ZNF316: variants seen among roughly 807,000 people sequenced by gnomAD.
ZNF316 encodes zinc finger protein 316.
Under a neutral mutation model 75.6 loss-of-function variants are expected in ZNF316, and 23 were observed. The observed-to-expected ratio is 0.30, with a 90% confidence interval of 0.22 to 0.43. The LOEUF (loss-of-function observed/expected upper bound fraction) is 0.43. Among genes scored for constraint, ZNF316 ranks in the 20% least tolerant of loss-of-function variants. The pLI, the probability that ZNF316 is intolerant of heterozygous loss-of-function variation, is 1.00. For missense variants in ZNF316, 1,266 were observed against 1,409.4 expected (o/e 0.90, Z 1.63); for synonymous variants, 827 against 666.2 (o/e 1.24, Z -3.72).
At position 6,640,617 on chromosome 7, in the gene ZNF316, C is replaced by T. The variant is rs549495345; in HGVS notation, c.-166-1208C>T. On this transcript the variant is annotated intron_variant, in intron 3 of 8. Coordinates refer to ENST00000382252, the MANE Select transcript of ZNF316 (RefSeq NM_001278559.2). The surrounding 1 kb of genome is among the most constrained non-coding windows in gnomAD (Gnocchi z 5.1). Reference sequence around the variant, plus strand: ...ATTACGGTTCAGCGTGAGATCTGGGCGGGGACAAACATCCAGGCTCCATCA... The same window carrying T: ...ATTACGGTTCAGCGTGAGATCTGGGTGGGGACAAACATCCAGGCTCCATCA... Among the ~76,000 whole-genome samples the T allele has an allele frequency of 2.6e-5, 4 of 152,280 alleles. No individual in the cohort carries two copies. The highest frequency in any genetic ancestry group is 2.1e-4 in the South Asian group (1 of 4,830).
Position 6,654,293 on chromosome 7 carries a change from C to G in ZNF316, c.2697C>G (p.Arg899=). Residue 899 remains arginine (R), a synonymous_variant, in exon 9 of 9, where the codon CGC becomes CGG. Coordinates refer to ENST00000382252, the MANE Select transcript of ZNF316 (RefSeq NM_001278559.2). ...CPECGKRFSQ[R]SVLVTHQRTH... ...AGTGCGGCAAGCGCTTTTCGCAGCG[C>G]TCGGTGCTGGTCACGCACCAGCGCA... 4 of 1,224,390 alleles carry G rather than the reference C, an allele frequency of 3.3e-6. No individual in the cohort carries two copies. Among genetic ancestry groups the G allele is most frequent in the Non-Finnish European group, 3.1e-6 (3 of 982,720 alleles). The allele number at this position is 1,224,390 out of a possible 1,614,324, so 75.8% of individuals were successfully genotyped here.
rs1779566729 is a variant in ZNF316, at chr7:6,653,885, G to A, written c.2289G>A (p.Ala763=). ...GARFARGSHL[A]AHVRGHTGEK... is the part of the protein sequence containing the mutation. ...GGTTCGCCCGCGGCTCGCACTTGGCGGCGCACGTGCGCGGCCACACGGGCG... is the reference window on the plus strand; with the variant it reads ...GGTTCGCCCGCGGCTCGCACTTGGCAGCGCACGTGCGCGGCCACACGGGCG... The change falls in exon 9 of 9, where the codon GCG becomes GCA. Residue 763 remains alanine (A), a synonymous_variant. Coordinates refer to ENST00000382252, the MANE Select transcript of ZNF316 (RefSeq NM_001278559.2). 1 of 1,101,402 alleles carries A rather than the reference G, an allele frequency of 9.1e-7. No homozygotes were observed. The allele number at this position is 1,101,402 out of a possible 1,614,324, so 68.2% of individuals were successfully genotyped here.
rs904179051 is a variant in ZNF316 at position 6,657,987 on chromosome 7, G to T, written c.*3376G>T. Among the ~76,000 whole-genome samples the T allele has an allele frequency of 6.6e-6, 1 of 152,140 alleles. No individual in the cohort carries two copies. The highest frequency in any genetic ancestry group is 2.4e-5 in the African/African-American group (1 of 41,414). ...GTAGACACCCTTTATTGCCAAGGAG[G>T]AATTAAACCCTAGTGACTTGTGAAA... On this transcript the variant is annotated 3_prime_UTR_variant, in exon 9 of 9. Coordinates refer to ENST00000382252, the MANE Select transcript of ZNF316 (RefSeq NM_001278559.2).
At chr7:6,644,758 G>C (rs932751653) in intron 8 of ZNF316, among the ~76,000 whole-genome samples, 165 bp downstream of exon 8, 3 of 152,172 alleles carry the variant, frequency 2.0e-5, no homozygotes, top group Admixed American at 2.0e-4. Context: ...AAAGGTCCGA[G>C]GGCTGTAAGG....
At position 6,653,986 on chromosome 7, in the gene ZNF316, A is replaced by G. The variant is rs1467945077; in HGVS notation, c.2390A>G (p.His797Arg). ...RAHLTAHGRA[H>R]TGERPYACGE... ...CACTTGACGGCGCACGGGCGCGCGC[A>G]CACCGGGGAGCGGCCTTACGCGTGT... Residue 797 changes from histidine (H) to arginine (R), a missense_variant, in exon 9 of 9, where the codon CAC becomes CGC. By Grantham distance (29) the His-to-Arg change is conservative. Around this residue, in one of 3 missense-constraint regions of ZNF316, gnomAD observed 194 missense variants for 319.2 expected, o/e 0.61. Coordinates refer to ENST00000382252, the MANE Select transcript of ZNF316 (RefSeq NM_001278559.2). 1 of 1,178,904 alleles carries G rather than the reference A, an allele frequency of 8.5e-7. No individual in the cohort carries two copies. The highest frequency in any genetic ancestry group is 1.0e-6 in the Non-Finnish European group (1 of 954,684). 73.0% of individuals were successfully genotyped at this position (1,178,904 alleles called of 1,614,324 possible).
rs1281601218 is a variant in ZNF316, at chr7:6,654,746, C to T, written c.*135C>T. The stretch of plus-strand genomic sequence containing the variant: ...GCGGTGCCTTCCCTCAGCCCTCGCC[C>T]TGCGGCCCCGGGTCTCATGCCCGCC... On this transcript the variant is annotated 3_prime_UTR_variant, in exon 9 of 9. Transcript: ENST00000382252. 2 of 796,272 alleles carry T rather than the reference C, an allele frequency of 2.5e-6. No individual in the cohort carries two copies. Among genetic ancestry groups the T allele is most frequent in the Non-Finnish European group, 3.2e-6 (2 of 619,064 alleles). 49.3% of individuals were successfully genotyped at this position (796,272 alleles called of 1,614,324 possible).
Position 6,653,840 on chromosome 7 carries a change from G to T in ZNF316, c.2244G>T (p.Pro748=), listed in dbSNP as rs1217513815. Reference sequence around the variant, plus strand: ...CACACACCGGCGAGCGGCCCTTCCCGTGCCCCGAGTGCGGCGCGCGGTTCG... The same window carrying T: ...CACACACCGGCGAGCGGCCCTTCCCTTGCCCCGAGTGCGGCGCGCGGTTCG... ...RRTHTGERPF[P]CPECGARFAR... The change falls in exon 9 of 9, where the codon CCG becomes CCT. Residue 748 remains proline (P), a synonymous_variant. Transcript: ENST00000382252. 1 of 1,079,538 alleles carries T rather than the reference G, an allele frequency of 9.3e-7. No homozygotes were observed. Among genetic ancestry groups the T allele is most frequent in the Non-Finnish European group, 1.1e-6 (1 of 889,036 alleles). The allele number at this position is 1,079,538 out of a possible 1,614,324, so 66.9% of individuals were successfully genotyped here. A position where few individuals can be genotyped will look rare whatever the true frequency, so the allele number is the denominator to read the frequency against.
In ZNF316 at chr7:6,639,376, CAGGG is replaced by C. The variant is rs1779274813; in HGVS notation, c.-167+238_-167+241del. Among the ~76,000 whole-genome samples the C allele has an allele frequency of 6.6e-6, 1 of 152,114 alleles. No homozygotes were observed. Among genetic ancestry groups the C allele is most frequent in the Non-Finnish European group, 1.5e-5 (1 of 68,034 alleles). ...CTGCCGCCCAGGAGCTGGCTGTACT[CAGGG>C]AGAGAGATGATAAGACAGTCTCATA... On this transcript the variant is annotated intron_variant, in intron 3 of 8. Coordinates refer to ENST00000382252, the MANE Select transcript of ZNF316 (RefSeq NM_001278559.2). The surrounding 1 kb of genome is among the most constrained non-coding windows in gnomAD (Gnocchi z 4.2).
At chr7:6,638,213 G>T (rs1464370720) in intron 2 of ZNF316, among the ~76,000 whole-genome samples, 1 of 152,206 alleles carries the variant, frequency 6.6e-6, no homozygotes, top group East Asian at 1.9e-4. Flanking sequence ...CAGGTCTGGG[G>T]GCCGGGTGGG....
chr7:6,652,268 A>G (rs1583446434), intron 8 of ZNF316, 35 bp from the exon 9 acceptor site: 2 of 1,232,076 alleles, frequency 1.6e-6, no homozygotes, highest in Admixed American at 4.2e-5. Flanking sequence ...AAGTTCACTT[A>G]CCTCTCTCTT....
chr7:6,652,718 C>T lies in ZNF316; in HGVS notation c.1122C>T (p.Gly374=), dbSNP rs1422138016. ...ACCACGCGGCCGTCAAGCCCTTCGGCTGCGAGGAGTGCGGCAAGGGCTTCG... is the reference window on the plus strand; with the variant it reads ...ACCACGCGGCCGTCAAGCCCTTCGGTTGCGAGGAGTGCGGCAAGGGCTTCG... The part of the protein sequence containing the change: ...QRYHAAVKPF[G]CEECGKGFVY... Residue 374 remains glycine (G), a synonymous_variant, in exon 9 of 9, where the codon GGC becomes GGT. Coordinates refer to ENST00000382252, the MANE Select transcript of ZNF316 (RefSeq NM_001278559.2). The T allele has an allele frequency of 2.4e-6, 3 of 1,241,710 alleles. No individual in the cohort carries two copies. The highest frequency in any genetic ancestry group is 3.0e-6 in the Non-Finnish European group (3 of 992,472). 76.9% of individuals were successfully genotyped at this position (1,241,710 alleles called of 1,614,324 possible). A position where few individuals can be genotyped will look rare whatever the true frequency, so the allele number is the denominator to read the frequency against.
rs757544692 is a variant in ZNF316 at position 6,638,002 on chromosome 7, G to C, written c.-274G>C. 1 of 152,270 alleles carries C rather than the reference G, an allele frequency of 6.6e-6. No homozygotes were observed. Among genetic ancestry groups the C allele is most frequent in the Non-Finnish European group, 1.5e-5 (1 of 68,114 alleles). 9.4% of individuals were successfully genotyped at this position (152,270 alleles called of 1,614,324 possible). A position where few individuals can be genotyped will look rare whatever the true frequency, so the allele number is the denominator to read the frequency against. ...GTGGGCTGCTCGGCTGTCTTCTGCT[G>C]CCGGCAGGTAGGTAGGGACACCCAT... On this transcript the variant is annotated 5_prime_UTR_variant, in exon 2 of 9. Coordinates refer to ENST00000382252, the MANE Select transcript of ZNF316 (RefSeq NM_001278559.2).
Position 6,657,526 on chromosome 7 carries a change from G to A in ZNF316, c.*2915G>A, listed in dbSNP as rs1180958551. 6.6e-6 allele frequency among the ~76,000 whole-genome samples: 1 copy of A among 151,968 alleles called. No individual in the cohort carries two copies. Among genetic ancestry groups the A allele is most frequent in the African/African-American group, 2.4e-5 (1 of 41,370 alleles). The stretch of plus-strand genomic sequence containing the variant: ...AATGGAGCCCCTTGAGGATCTTACA[G>A]TCTATTCAGAAAAGTTAAATGAGGC... On this transcript the variant is annotated 3_prime_UTR_variant, in exon 9 of 9. Coordinates refer to ENST00000382252, the MANE Select transcript of ZNF316 (RefSeq NM_001278559.2).
At position 6,652,735 on chromosome 7, in the gene ZNF316, A is replaced by G; in HGVS notation, c.1139A>G (p.Lys380Arg). ...VKPFGCEECG[K>R]GFVYRSHLAI... The stretch of plus-strand genomic sequence containing the variant: ...CCCTTCGGCTGCGAGGAGTGCGGCA[A>G]GGGCTTCGTGTACCGCTCGCACTTG... Residue 380 changes from lysine to arginine, a missense_variant, in exon 9 of 9, where the codon AAG becomes AGG. Lys to Arg is a conservative substitution (Grantham distance 26). This residue lies in a region of ZNF316 where 961 missense variants were observed against 990.9 expected (regional missense o/e 0.97). Transcript: ENST00000382252. 8.0e-7 allele frequency: 1 copy of G among 1,248,024 alleles called. No individual in the cohort carries two copies. Among genetic ancestry groups the G allele is most frequent in the Non-Finnish European group, 1.0e-6 (1 of 995,598 alleles). 77.3% of individuals were successfully genotyped at this position (1,248,024 alleles called of 1,614,324 possible).
rs1217417026 is a variant in ZNF316, at chr7:6,657,284, G to A, written c.*2673G>A. Among the ~76,000 whole-genome samples the A allele has an allele frequency of 7.6e-6, 1 of 130,848 alleles. No homozygotes were observed. The highest frequency in any genetic ancestry group is 1.5e-5 in the Non-Finnish European group (1 of 65,592). The allele number at this position is 130,848 out of a possible 152,430, so 85.8% of individuals were successfully genotyped here. A position where few individuals can be genotyped will look rare whatever the true frequency, so the allele number is the denominator to read the frequency against. ...GCTGGGATTGCAGGTGTGAGTCACC[G>A]CGCCCGGCCAGAGCAACCTAATATT... On this transcript the variant is annotated 3_prime_UTR_variant, in exon 9 of 9. Transcript: ENST00000382252.
In ZNF316 at chr7:6,655,845, C is replaced by T. The variant is rs1779615891; in HGVS notation, c.*1234C>T. 2 of 152,292 alleles carry T rather than the reference C, an allele frequency of 1.3e-5. No individual in the cohort carries two copies. Among genetic ancestry groups the T allele is most frequent in the South Asian group, 2.1e-4 (1 of 4,834 alleles). The allele number at this position is 152,292 out of a possible 1,614,324, so 9.4% of individuals were successfully genotyped here. A position where few individuals can be genotyped will look rare whatever the true frequency, so the allele number is the denominator to read the frequency against. ...AACCAGGCACCCAACTATGCAAGGC[C>T]CCTGCCTGGTGGGCATCCTACCCTC... On this transcript the variant is annotated 3_prime_UTR_variant, in exon 9 of 9. Transcript: ENST00000382252.
At chr7:6,638,585 C>T (rs1227710413) in intron 2 of ZNF316, among the ~76,000 whole-genome samples, 2 of 152,316 alleles carry the variant, frequency 1.3e-5, no homozygotes, top group Non-Finnish European at 2.9e-5. Flanking sequence ...CTTGTCACCT[C>T]CCATTCTAAA....
In ZNF316 at chr7:6,657,794, A is replaced by T. The variant is rs982669216; in HGVS notation, c.*3183A>T. ...CAGTGAACTATGATTTTTCCATTGC[A>T]CTCCAGCCTGGGTGACAGAACAAGA... On this transcript the variant is annotated 3_prime_UTR_variant, in exon 9 of 9. Transcript: ENST00000382252. 3.2e-5 allele frequency among the ~76,000 whole-genome samples: 4 copies of T among 126,048 alleles called. No homozygotes were observed. Among genetic ancestry groups the T allele is most frequent in the Non-Finnish European group, 6.3e-5 (4 of 63,870 alleles). The allele number at this position is 126,048 out of a possible 152,430, so 82.7% of individuals were successfully genotyped here.
Position 6,655,520 on chromosome 7 carries a change from G to A in ZNF316, c.*909G>A, listed in dbSNP as rs1329625847. The A allele has an allele frequency of 1.3e-5, 2 of 152,166 alleles. No homozygotes were observed. Among genetic ancestry groups the A allele is most frequent in the Non-Finnish European group, 2.9e-5 (2 of 68,086 alleles). 9.4% of individuals were successfully genotyped at this position (152,166 alleles called of 1,614,324 possible). A position where few individuals can be genotyped will look rare whatever the true frequency, so the allele number is the denominator to read the frequency against. On this transcript the variant is annotated 3_prime_UTR_variant, in exon 9 of 9. Transcript: ENST00000382252. ...GAGGCCCTCGCAGCCCTGAGCCCCA[G>A]CTTTCACTTCCCTGGGCTGCCCCTC...
Sources: gnomAD v4.1 joint callset for allele counts (sites outside exome capture counted in the v4.1 genomes callset) on GRCh38, gnomAD v4.1.1 for gene constraint, gnomAD v4.1.1 regional missense constraint, Gnocchi (gnomAD v3.1) non-coding constraint, MANE v1.5 for transcripts, NCBI Gene and HGNC (gene_info 2026-07-23, HGNC 2026-07-21) for gene names.